The following NDUFS8 variants were observed in gnomAD, a reference collection of about 807,000 sequenced individuals.
The protein encoded by NDUFS8 is NADH:ubiquinone oxidoreductase core subunit S8, also known as NADH dehydrogenase [ubiquinone] iron-sulfur protein 8, mitochondrial.
Under a neutral mutation model 25.6 loss-of-function variants are expected in NDUFS8, and 13 were observed. That is an observed-to-expected ratio of 0.51 (90% CI 0.33 to 0.81). The LOEUF is 0.81. Ranked by LOEUF, NDUFS8 falls within the 30% of genes least tolerant of loss-of-function variation. The probability of loss-of-function intolerance (pLI) is 0.02; values close to 1 mark genes in which losing one functional copy is unlikely to be tolerated. For missense variants in NDUFS8, 257 were observed against 300.9 expected, an observed-to-expected ratio of 0.85 and a Z score of 1.08; for synonymous variants, 119 against 119.4, an observed-to-expected ratio of 1.00 and a Z score of 0.02.
At chr11:68,033,472 T>G in intron 5 of NDUFS8, 189 bp downstream of exon 5, 1 of 763,778 alleles carries the variant, frequency 1.3e-6, no homozygotes, top group Non-Finnish European at 2.2e-6. Context: ...AGTCAGTGAG[T>G]TGGCAGAGTG....
At chr11:68,035,874 C>G (rs567911151) in intron 5 of NDUFS8, 26 of 369,052 alleles carry the variant, frequency 7.0e-5, no homozygotes, top group African/African-American at 5.3e-4. Flanking sequence ...CAAAAATTAG[C>G]TGGGCGTGGT....
Position 68,036,450 on chromosome 11 carries a change from C to T in NDUFS8, c.502-12C>T, listed in dbSNP as rs375889954. Reference sequence around the variant, plus strand: ...CAGGGCCTAACCACCGTCCCTGCACCTCAACCTGCAGGGCCCCAACTTTGA... The same window carrying T: ...CAGGGCCTAACCACCGTCCCTGCACTTCAACCTGCAGGGCCCCAACTTTGA... On this transcript the variant is annotated splice_polypyrimidine_tract_variant and intron_variant, in intron 6 of 6. Transcript: ENST00000313468. 1.2e-6 allele frequency: 2 copies of T among 1,613,900 alleles called. No individual in the cohort carries two copies. Among genetic ancestry groups the T allele is most frequent in the African/African-American group, 2.7e-5 (2 of 74,938 alleles).
intron 5 of NDUFS8, chr11:68,034,807 A>C (rs997155677): frequency 1.3e-5 from 2 of 151,386 alleles, no homozygotes; most frequent in Admixed American, 1.3e-4. Flanking sequence ...GCGGTGGCTC[A>C]CGCCTGTAAT....
rs751536330 is a variant in NDUFS8 at position 68,032,205 on chromosome 11, T to A, written c.54T>A (p.Arg18=). 5.0e-6 allele frequency: 8 copies of A among 1,613,284 alleles called. No individual in the cohort carries two copies. The highest frequency in any genetic ancestry group is 1.3e-5 in the African/African-American group (1 of 74,926). The change falls in exon 2 of 7, where the codon CGT becomes CGA. Residue 18 remains arginine (R), a synonymous_variant. Transcript: ENST00000313468. ...MLLRALAQAA[R]AGPPGGRSLH... ...TGCGGGCCCTGGCCCAGGCTGCACG[T>A]GCAGGTAGGACCAAAGAAGCCTTTG...
At chr11:68,031,058 T>C in intron 1 of NDUFS8, 2 of 303,084 alleles carry the variant, frequency 6.6e-6, no homozygotes, top group South Asian at 4.6e-5. Context: ...TGAGCTCTTA[T>C]GAGCGCCGGC....
chr11:68,034,670 C>T (rs1255542633), intron 5 of NDUFS8: 8 of 149,996 alleles, frequency 5.3e-5, no homozygotes, highest in Admixed American at 4.7e-4. Flanking sequence ...AAAACTTAGC[C>T]GGGCACGTTG....
chr11:68,036,011 CTA>C, intron 5 of NDUFS8: 1 of 447,592 alleles, frequency 2.2e-6, no homozygotes, highest in Non-Finnish European at 3.9e-6. Context: ...GAGCGAGACT[CTA>C]TCTCAAAAAA....
At chr11:68,031,128 A>G (rs180812442) in intron 1 of NDUFS8, 1 of 275,656 alleles carries the variant, frequency 3.6e-6, no homozygotes, top group East Asian at 1.5e-4. Context: ...CCCAAGACCA[A>G]CCGCCCCCAA....
chr11:68,033,657 C>T, intron 5 of NDUFS8: 1 of 333,192 alleles, frequency 3.0e-6, no homozygotes, highest in South Asian at 2.9e-5. Context: ...AGCTTCCCTT[C>T]CCCAGTGGCT....
intron 5 of NDUFS8, chr11:68,036,045 A>C: frequency 1.8e-6 from 1 of 552,532 alleles, no homozygotes. Flanking sequence ...AAAAAAAACC[A>C]GCAAGGCAGG....
intron 5 of NDUFS8, 53 bp from the exon 6 acceptor site, chr11:68,036,200 G>A: frequency 2.9e-5 from 46 of 1,609,450 alleles, no homozygotes; most frequent in Non-Finnish European, 3.9e-5. Flanking sequence ...AGGGGCCCTG[G>A]GGGCTGGGAT....
intron 3 of NDUFS8, 54 bp from the exon 4 acceptor site, chr11:68,032,869 G>A (rs896404692): frequency 1.3e-6 from 2 of 1,567,252 alleles, no homozygotes; most frequent in African/African-American, 2.7e-5. Context: ...TGAGGCTCCA[G>A]GGAGACAGTG....
intron 5 of NDUFS8, chr11:68,033,890 G>C (rs536528815): frequency 6.0e-6 from 1 of 165,786 alleles, no homozygotes; most frequent in South Asian, 1.5e-4. Context: ...ATCCTAGTTT[G>C]TCCTCTGGAG....
chr11:68,030,869 G>T (rs766636140), intron 1 of NDUFS8, 136 bp downstream of exon 1: 4 of 421,894 alleles, frequency 9.5e-6, no homozygotes, highest in East Asian at 1.6e-4. Flanking sequence ...CGGCCTCCGT[G>T]TCCTTCAGGT....
chr11:68,031,338 G>A (rs886579152), intron 1 of NDUFS8, among the ~76,000 whole-genome samples: 2 of 152,168 alleles, frequency 1.3e-5, no homozygotes, highest in African/African-American at 4.8e-5. Flanking sequence ...TGTGACTTCC[G>A]ACAAGTCACT....
chr11:68,032,301 G>A lies in NDUFS8; in HGVS notation c.74G>A (p.Arg25Gln), dbSNP rs147455935. ...CTTTTTGCAGGACCTCCTGGTGGCC[G>A]GAGCCTCCACAGCAGTGCAGTGGCA... ...QAARAGPPGG[R>Q]SLHSSAVAAT... Residue 25 changes from arginine (R) to glutamine (Q), a missense_variant, in exon 3 of 7, where the codon CGG becomes CAG. Coordinates refer to ENST00000313468, the MANE Select transcript of NDUFS8 (RefSeq NM_002496.4). The A allele has an allele frequency of 1.4e-5, 22 of 1,613,580 alleles. No individual in the cohort carries two copies. The highest frequency in any genetic ancestry group is 2.2e-5 in the East Asian group (1 of 44,898).
At chr11:68,031,781 C>T (rs1272259320) in intron 1 of NDUFS8, 1 of 376,840 alleles carries the variant, frequency 2.7e-6, no homozygotes, top group African/African-American at 2.1e-5. Flanking sequence ...ACAAAGTTCG[C>T]TCTCAGTGCA....
chr11:68,036,566 C>A lies in NDUFS8; in HGVS notation c.606C>A (p.Asn202Lys). The part of the protein sequence containing the change: ...GDKWEAEIAA[N>K]IQADYLYR ...AGTGGGAGGCCGAGATCGCCGCCAA[C>A]ATCCAGGCTGACTACTTGTATCGGT... The change falls in exon 7 of 7, where the codon AAC becomes AAA. Residue 202 changes from asparagine to lysine, a missense_variant. Transcript: ENST00000313468. The A allele has an allele frequency of 6.2e-7, 1 of 1,614,086 alleles. No homozygotes were observed. Among genetic ancestry groups the A allele is most frequent in the Non-Finnish European group, 8.5e-7 (1 of 1,180,012 alleles).
At chr11:68,030,948 A>G in intron 1 of NDUFS8, 1 of 441,884 alleles carries the variant, frequency 2.3e-6, no homozygotes, top group East Asian at 7.5e-5. Context: ...TTAGGGTCGG[A>G]GATCACTGGG....
Sources: gnomAD v4.1 joint callset for allele counts (sites outside exome capture counted in the v4.1 genomes callset) on GRCh38, gnomAD v4.1.1 for gene constraint, MANE v1.5 for transcripts, NCBI Gene and HGNC (gene_info 2026-07-23, HGNC 2026-07-21) for gene names.